Variants in HUNK observed in about 807,000 individuals in gnomAD.
HUNK encodes the protein hormonally up-regulated neu tumor-associated kinase.
A neutral mutation model predicts 61.0 loss-of-function variants in HUNK; 21 were observed. The observed-to-expected ratio is 0.34, with a 90% CI of 0.24 to 0.50. The LOEUF is 0.50. Among genes scored for constraint, HUNK ranks in the 20% least tolerant of loss-of-function variants. The pLI is 0.98. For synonymous variants in HUNK, 371 were observed against 386.1 expected (o/e 0.96, Z 0.46); for missense variants, 772 against 945.7 (o/e 0.82, Z 2.41).
intron 1 of HUNK, among the ~76,000 whole-genome samples, chr21:31,903,849 G>A (rs970135013): frequency 6.6e-6 from 1 of 152,186 alleles, no homozygotes; most frequent in Non-Finnish European, 1.5e-5. Flanking sequence ...TTTCTAAAAC[G>A]TCCTCAGGTT....
At chr21:31,938,507 T>C (rs2052747041) in intron 2 of HUNK, among the ~76,000 whole-genome samples, 1 of 152,270 alleles carries the variant, frequency 6.6e-6, no homozygotes, top group Non-Finnish European at 1.5e-5. Flanking sequence ...AGTGGGGCAC[T>C]GCTGTCCTGT....
At chr21:31,874,562 C>T (rs1295271269) in intron 1 of HUNK, among the ~76,000 whole-genome samples, 1 of 152,080 alleles carries the variant, frequency 6.6e-6, no homozygotes, top group Non-Finnish European at 1.5e-5. Flanking sequence ...CTGTGCTCCT[C>T]TCTATCCACT....
chr21:31,913,837 T>A (rs2052562970), intron 1 of HUNK, among the ~76,000 whole-genome samples: 1 of 150,836 alleles, frequency 6.6e-6, no homozygotes, highest in Admixed American at 6.6e-5. Context: ...GTGTGAGAGG[T>A]CAGCAGGGAG....
intron 1 of HUNK, among the ~76,000 whole-genome samples, chr21:31,897,986 A>G (rs529566067): frequency 3.0e-4 from 46 of 152,222 alleles, no homozygotes; most frequent in African/African-American, 1.0e-3. Flanking sequence ...TCTCTTGGAG[A>G]GAGAAAGAGG....
intron 4 of HUNK, among the ~76,000 whole-genome samples, chr21:31,956,925 C>T (rs76531102): frequency 0.024 from 3,581 of 152,252 alleles, 133 homozygotes; most frequent in African/African-American, 0.08. Flanking sequence ...CCAAATAGCT[C>T]TATGTGTGCC....
intron 1 of HUNK, among the ~76,000 whole-genome samples, chr21:31,912,516 T>A (rs2052553777): frequency 6.6e-6 from 1 of 152,058 alleles, no homozygotes; most frequent in African/African-American, 2.4e-5. Flanking sequence ...TTAGGCTGGT[T>A]GGGGAAGCCT....
chr21:31,984,943 C>T (rs913518742), intron 8 of HUNK, among the ~76,000 whole-genome samples: 1 of 152,144 alleles, frequency 6.6e-6, no homozygotes, highest in African/African-American at 2.4e-5. Flanking sequence ...GGAGGCCTCA[C>T]AATCATGGCA....
At chr21:31,938,305 T>C (rs2052745625) in intron 2 of HUNK, among the ~76,000 whole-genome samples, 1 of 151,986 alleles carries the variant, frequency 6.6e-6, no homozygotes, top group Non-Finnish European at 1.5e-5. Context: ...CTCACGTCCT[T>C]TCAAGGCTTC....
At chr21:31,879,910 T>A (rs1003925519) in intron 1 of HUNK, among the ~76,000 whole-genome samples, 1 of 152,192 alleles carries the variant, frequency 6.6e-6, no homozygotes, top group Admixed American at 6.5e-5. Context: ...CCAGGCCTTA[T>A]GTTAGCTGAT....
chr21:31,896,997 C>T (rs1441503919), intron 1 of HUNK, among the ~76,000 whole-genome samples: 1 of 152,190 alleles, frequency 6.6e-6, no homozygotes, highest in African/African-American at 2.4e-5. Context: ...GTAATCCCAG[C>T]ACTTTGGGAG....
At chr21:31,932,799 C>A (rs2052707030) in intron 2 of HUNK, among the ~76,000 whole-genome samples, 1 of 152,016 alleles carries the variant, frequency 6.6e-6, no homozygotes, top group Non-Finnish European at 1.5e-5. Flanking sequence ...TTCACCGTGG[C>A]TTCTGGTTGG....
intron 1 of HUNK, among the ~76,000 whole-genome samples, chr21:31,892,783 G>A (rs967845363): frequency 2.0e-5 from 3 of 151,994 alleles, no homozygotes; most frequent in Non-Finnish European, 4.4e-5. Context: ...TGATGGGGAC[G>A]CCTCTTCCGT....
At position 31,906,843 on chromosome 21, in the gene HUNK, G is replaced by A. The variant is rs183170149; in HGVS notation, c.262-17625G>A. Among the ~76,000 whole-genome samples, 30 of 152,258 alleles carry A rather than the reference G, an allele frequency of 2.0e-4. No homozygotes were observed. The East Asian group carries it at 5.2e-3, about 27-fold the overall frequency. On this transcript the variant is annotated intron_variant, in intron 1 of 10. Transcript: ENST00000270112. ...AGCCAGAACTTCCCTGTCCCTTACA[G>A]TTGCCTCTCACCACATGTAGCTGTT...
chr21:31,998,775 A>G lies in HUNK; in HGVS notation c.1736A>G (p.His579Arg), dbSNP rs2053224397. The part of the protein sequence containing the change: ...DHVEVLSPSH[H>R]YRILNSPVSL... ...GTAGAAGTGCTGTCTCCCTCTCATC[A>G]CTACAGGATTCTGAACTCCCCGGTC... is the stretch of plus-strand genomic sequence containing the variant. Residue 579 changes from histidine (H) to arginine (R), a missense_variant, in exon 11 of 11, where the codon CAC (histidine) becomes CGC (arginine). By Grantham distance (29) the His-to-Arg change is conservative. Around this residue, in one of 2 missense-constraint regions of HUNK, gnomAD observed 413 missense variants for 444.4 expected, o/e 0.93. Transcript: ENST00000270112. The G allele has an allele frequency of 6.2e-7, 1 of 1,614,044 alleles. No homozygotes were observed.
intron 4 of HUNK, among the ~76,000 whole-genome samples, chr21:31,946,612 C>A (rs900003850): frequency 6.7e-6 from 1 of 150,294 alleles, no homozygotes; most frequent in Non-Finnish European, 1.5e-5. Flanking sequence ...GTCGCTCCCA[C>A]CTCTGGGCTT....
At chr21:31,970,675 C>G (rs1244833130) in intron 6 of HUNK, among the ~76,000 whole-genome samples, 1 of 152,196 alleles carries the variant, frequency 6.6e-6, no homozygotes, top group Admixed American at 6.5e-5. Flanking sequence ...AATGCGGCAA[C>G]TGTTGAAGGA....
chr21:31,949,941 T>C (rs944916802), intron 4 of HUNK, among the ~76,000 whole-genome samples: 10 of 152,158 alleles, frequency 6.6e-5, no homozygotes, highest in Non-Finnish European at 1.0e-4. Context: ...AAGGTAGTGC[T>C]GTATTACTCC....
At position 31,882,625 on chromosome 21, in the gene HUNK, G is replaced by A. The variant is rs145125710; in HGVS notation, c.261+8690G>A. ...TGTGTAATGATCAAGCCAGAGTATCGGCGTGTCCATCACCTAAGTATTCAT... is the reference window on the plus strand; with the variant it reads ...TGTGTAATGATCAAGCCAGAGTATCAGCGTGTCCATCACCTAAGTATTCAT... On this transcript the variant is annotated intron_variant, in intron 1 of 10. Coordinates refer to ENST00000270112, the MANE Select transcript of HUNK (RefSeq NM_014586.2). 3.5e-4 allele frequency among the ~76,000 whole-genome samples: 53 copies of A among 152,198 alleles called. No homozygotes were observed. In the East Asian group the frequency reaches 8.3e-3, roughly 24 times the overall value.
intron 9 of HUNK, among the ~76,000 whole-genome samples, chr21:31,990,587 G>A (rs903710168): frequency 6.6e-6 from 1 of 151,602 alleles, no homozygotes; most frequent in African/African-American, 2.4e-5. Context: ...CCAGGCTGGA[G>A]TGCAATGTTG....
Sources: allele counts gnomAD v4.1 joint callset (sites outside exome capture counted in the v4.1 genomes callset), GRCh38; gene constraint gnomAD v4.1.1; regional missense constraint gnomAD v4.1.1; transcripts MANE v1.5; gene names NCBI Gene and HGNC (gene_info 2026-07-23, HGNC 2026-07-21).